ACTN4: variants seen among roughly 807,000 people sequenced by gnomAD.
The protein encoded by ACTN4 is alpha-actinin-4.
ACTN4 carries 18 observed loss-of-function variants against 114.2 expected under a neutral mutation model. That is an observed-to-expected ratio of 0.16 (90% CI 0.11 to 0.23). ACTN4 has a LOEUF of 0.23. Among genes scored for constraint, ACTN4 ranks in the 10% least tolerant of loss-of-function variants. ACTN4 has a pLI of 1.00. For synonymous variants in ACTN4, 515 were observed against 506.3 expected (o/e 1.02, Z -0.23); for missense variants, 722 against 1,262.9 (o/e 0.57, Z 6.49).
chr19:38,725,819 C>T lies in ACTN4; in HGVS notation c.2106C>T (p.Pro702=), dbSNP rs767260040. The change falls in exon 17 of 21, where the codon CCC becomes CCT. Residue 702 remains proline (P), a synonymous_variant. Transcript: ENST00000252699. ...AACGCAGCATCGTGGACTACAAGCC[C>T]AACCTGGACCTGCTGGAGCAGCAGC... ...QYERSIVDYK[P]NLDLLEQQHQ... is the part of the protein sequence containing the mutation. 4.3e-6 allele frequency: 7 copies of T among 1,614,176 alleles called. No homozygotes were observed. The highest frequency in any genetic ancestry group is 2.7e-5 in the African/African-American group (2 of 75,066).
intron 1 of ACTN4, among the ~76,000 whole-genome samples, chr19:38,667,378 G>A (rs187134666): frequency 1.2e-4 from 19 of 152,230 alleles, no homozygotes; most frequent in Non-Finnish European, 2.4e-4. Context: ...CTAAAGAGGC[G>A]AGTCAAGGGA....
At chr19:38,723,761 C>T (rs1234174213) in intron 13 of ACTN4, 39 bp downstream of exon 13, 2 of 1,542,052 alleles carry the variant, frequency 1.3e-6, no homozygotes, top group Non-Finnish European at 1.8e-6. Context: ...GCTCTGTGCC[C>T]CTGCTGCCCC....
chr19:38,719,716 G>A (rs1968971622), intron 11 of ACTN4, among the ~76,000 whole-genome samples: 6 of 152,264 alleles, frequency 3.9e-5, no homozygotes. Context: ...ATGGAGGCCT[G>A]GGCGTCGCCC....
rs8182551 is a variant in ACTN4 at position 38,673,508 on chromosome 19, A to C, written c.162+25601A>C. ...ATATTCATATATATTTATATATATG[A>C]ATATATATTTATATATATTCATATA... is the stretch of plus-strand genomic sequence containing the variant. On this transcript the variant is annotated intron_variant, in intron 1 of 20. Coordinates refer to ENST00000252699, the MANE Select transcript of ACTN4 (RefSeq NM_004924.6). 8.1e-4 allele frequency among the ~76,000 whole-genome samples: 53 copies of C among 65,166 alleles called. 1 individual carries two copies. Among genetic ancestry groups the C allele is most frequent in the Middle Eastern group, 5.5e-3 (1 of 182 alleles). The allele number at this position is 65,166 out of a possible 152,430, so 42.8% of individuals were successfully genotyped here.
chr19:38,660,897 G>A (rs545684458), intron 1 of ACTN4, among the ~76,000 whole-genome samples: 13 of 152,294 alleles, frequency 8.5e-5, no homozygotes, highest in African/African-American at 3.1e-4. Context: ...GGGTGGTGAG[G>A]GGAGGAGTGT....
rs146935892 is a variant in ACTN4 at position 38,676,232 on chromosome 19, G to A, written c.163-24368G>A. 9.2e-5 allele frequency among the ~76,000 whole-genome samples: 14 copies of A among 152,284 alleles called. 1 individual carries two copies. The East Asian group carries it at 2.1e-3, about 23-fold the overall frequency. On this transcript the variant is annotated intron_variant, in intron 1 of 20. Transcript: ENST00000252699. The stretch of plus-strand genomic sequence containing the variant: ...TATGGTGTCTGCATTTGAAGCCAGC[G>A]GTTCTTTGAAAATTTATCCTGAGTT...
At chr19:38,663,100 G>A (rs776463661) in intron 1 of ACTN4, among the ~76,000 whole-genome samples, 1 of 152,068 alleles carries the variant, frequency 6.6e-6, no homozygotes, top group Non-Finnish European at 1.5e-5. Context: ...TAGTAGAGAC[G>A]GGGTTTCATC....
chr19:38,650,063 G>T (rs1976514800), intron 1 of ACTN4, among the ~76,000 whole-genome samples: 3 of 152,182 alleles, frequency 2.0e-5, no homozygotes, highest in African/African-American at 7.2e-5. Flanking sequence ...GGTTGGAAAA[G>T]GTTGCCAAGA....
At chr19:38,700,933 T>C in intron 2 of ACTN4, 69 bp from the exon 3 acceptor site, 1 of 1,594,028 alleles carries the variant, frequency 6.3e-7, no homozygotes, top group Non-Finnish European at 8.6e-7. Context: ...AAAGCCTCTC[T>C]CCCTCTCGCC....
intron 1 of ACTN4, among the ~76,000 whole-genome samples, chr19:38,691,966 A>G (rs1967945346): frequency 1.3e-5 from 2 of 152,016 alleles, no homozygotes; most frequent in African/African-American, 2.4e-5. Context: ...TGGCACCTCA[A>G]AGGGGATTGT....
chr19:38,649,345 G>T (rs1294547188), intron 1 of ACTN4, among the ~76,000 whole-genome samples: 1 of 138,948 alleles, frequency 7.2e-6, no homozygotes, highest in East Asian at 2.4e-4. Flanking sequence ...AGAAAGGAGC[G>T]TGGTGAGTGG....
rs1968896333 is a variant in ACTN4 at position 38,717,871 on chromosome 19, C to A, written c.1144-56C>A. 1.3e-6 allele frequency: 2 copies of A among 1,553,426 alleles called. No individual in the cohort carries two copies. The highest frequency in any genetic ancestry group is 1.4e-5 in the African/African-American group (1 of 73,278). ...CCCATCAGCATCCCTTGGAGACATC[C>A]CCCTGGGTGCCTCCACTTCCTTGTG... On this transcript the variant is annotated intron_variant, in intron 10 of 20. Coordinates refer to ENST00000252699, the MANE Select transcript of ACTN4 (RefSeq NM_004924.6). This position sits in a 1 kb window ranked among gnomAD's most constrained non-coding sequence, Gnocchi z 4.0.
chr19:38,671,380 A>C (rs917805751), intron 1 of ACTN4, among the ~76,000 whole-genome samples: 1 of 152,202 alleles, frequency 6.6e-6, no homozygotes, highest in Non-Finnish European at 1.5e-5. Context: ...CTGCACGCAC[A>C]ATAACCTGGT....
At chr19:38,656,710 A>G (rs1599759801) in intron 1 of ACTN4, among the ~76,000 whole-genome samples, 1 of 152,186 alleles carries the variant, frequency 6.6e-6, no homozygotes, top group South Asian at 2.1e-4. Flanking sequence ...GCAATACAAT[A>G]GCATTTGTGT....
chr19:38,652,410 G>T (rs1976591542), intron 1 of ACTN4, among the ~76,000 whole-genome samples: 1 of 152,136 alleles, frequency 6.6e-6, no homozygotes. Flanking sequence ...AAGATGGCCT[G>T]GGACTGCAGG....
intron 1 of ACTN4, among the ~76,000 whole-genome samples, chr19:38,695,956 G>C (rs1028523829): frequency 6.6e-6 from 1 of 151,978 alleles, no homozygotes; most frequent in African/African-American, 2.4e-5. Flanking sequence ...AACTTTCTAG[G>C]TGTGTGACTG....
At position 38,717,986 on chromosome 19, in the gene ACTN4, G is replaced by C. The variant is rs1438379640; in HGVS notation, c.1203G>C (p.Leu401=). ...CTGAGAAGGGCTACGAGGAGTGGCT[G>C]CTGAATGAGATCCGCAGGCTGGAGC... ...EQAEKGYEEW[L]LNEIRRLERL... Residue 401 remains leucine, a synonymous_variant, in exon 11 of 21, where the codon CTG becomes CTC. Transcript: ENST00000252699. The surrounding 1 kb of genome is among the most constrained non-coding windows in gnomAD (Gnocchi z 4.0). The C allele has an allele frequency of 5.0e-6, 8 of 1,608,798 alleles. No homozygotes were observed. Among genetic ancestry groups the C allele is most frequent in the Non-Finnish European group, 6.8e-6 (8 of 1,177,880 alleles).
chr19:38,725,728 T>TC lies in ACTN4; in HGVS notation c.2016dup (p.Gly673ArgfsTer6). On this transcript the variant is annotated frameshift_variant, in exon 17 of 21. Transcript: ENST00000252699. LOFTEE classifies it high-confidence loss of function. Reference sequence around the variant, plus strand: ...CGCCTGCACCCACCCCCGTAGGAGATCGGGCGCATCTCCATTGAGATGAAC... The same window carrying TC: ...CGCCTGCACCCACCCCCGTAGGAGATCCGGGCGCATCTCCATTGAGATGAAC... 1 of 1,613,714 alleles carries TC rather than the reference T, an allele frequency of 6.2e-7. No individual in the cohort carries two copies. Among genetic ancestry groups the TC allele is most frequent in the Non-Finnish European group, 8.5e-7 (1 of 1,179,972 alleles).
chr19:38,669,241 C>T (rs1599774164), intron 1 of ACTN4, among the ~76,000 whole-genome samples: 1 of 152,338 alleles, frequency 6.6e-6, no homozygotes, highest in Non-Finnish European at 1.5e-5. Flanking sequence ...CTGCCTTGGC[C>T]TCCCAAAGTG....
Sources: allele counts gnomAD v4.1 joint callset (sites outside exome capture counted in the v4.1 genomes callset), GRCh38; gene constraint gnomAD v4.1.1; non-coding constraint Gnocchi (gnomAD v3.1); transcripts MANE v1.5; gene names NCBI Gene and HGNC (gene_info 2026-07-23, HGNC 2026-07-21).